Variants in LRRTM3 observed in about 807,000 individuals in gnomAD.
LRRTM3 encodes the protein leucine rich repeat transmembrane neuronal 3, also known as leucine-rich repeat transmembrane neuronal protein 3.
In LRRTM3, 24 loss-of-function variants were observed where a neutral mutation model predicts 44.7. The ratio of observed to expected loss-of-function variants is 0.54; its 90% confidence interval spans 0.39 to 0.76. LRRTM3 has a LOEUF of 0.76. LRRTM3 is among the 30% of genes least tolerant of loss of function. The probability of loss-of-function intolerance (pLI) is 0.00; values close to 1 mark genes in which losing one functional copy is unlikely to be tolerated. For missense variants in LRRTM3, 587 were observed against 702.2 expected (o/e 0.84, Z 1.85); for synonymous variants, 277 against 278.7 (o/e 0.99, Z 0.06).
intron 2 of LRRTM3, among the ~76,000 whole-genome samples, chr10:66,940,140 G>T (rs918721389): frequency 2.0e-5 from 3 of 152,084 alleles, no homozygotes; most frequent in Non-Finnish European, 2.9e-5. Context: ...GCTCCAGAGC[G>T]CATAGTTTGA....
At chr10:66,995,588 A>T (rs760393435) in intron 2 of LRRTM3, among the ~76,000 whole-genome samples, 6 of 152,312 alleles carry the variant, frequency 3.9e-5, no homozygotes, top group Admixed American at 2.0e-4. Flanking sequence ...AATCCTTAAC[A>T]TTATTCCCTG....
intron 2 of LRRTM3, among the ~76,000 whole-genome samples, chr10:66,970,762 C>A (rs1444475108): frequency 6.6e-6 from 1 of 151,968 alleles, no homozygotes; most frequent in Non-Finnish European, 1.5e-5. Context: ...CAAAAGATAA[C>A]AAATGATTGC....
At chr10:67,066,535 CA>C (rs57093251) in intron 2 of LRRTM3, among the ~76,000 whole-genome samples, 29,498 of 80,006 alleles carry the variant, frequency 0.37, 3,118 homozygotes, top group South Asian at 0.47. Flanking sequence ...CAGTTCTTGA[CA>C]AAAAAAAAAA....
intron 2 of LRRTM3, among the ~76,000 whole-genome samples, chr10:67,036,521 G>A (rs528858804): frequency 4.6e-5 from 7 of 152,076 alleles, no homozygotes; most frequent in African/African-American, 9.6e-5. Flanking sequence ...AAACTTAGCC[G>A]GGCGTGGTGG....
intron 2 of LRRTM3, among the ~76,000 whole-genome samples, chr10:66,946,310 T>C (rs1470964650): frequency 6.6e-6 from 1 of 152,146 alleles, no homozygotes; most frequent in African/African-American, 2.4e-5. Context: ...TGCTGGAAAG[T>C]TGAGAAAGGA....
intron 2 of LRRTM3, among the ~76,000 whole-genome samples, chr10:67,091,121 T>C (rs944377728): frequency 4.6e-5 from 7 of 151,940 alleles, no homozygotes; most frequent in Admixed American, 3.3e-4. Context: ...TCAAGCTTCA[T>C]AGGACAAAAT....
intron 2 of LRRTM3, among the ~76,000 whole-genome samples, chr10:67,064,496 A>G (rs1463016073): frequency 1.3e-5 from 2 of 152,230 alleles, no homozygotes; most frequent in South Asian, 2.1e-4. Context: ...TAAATTTTAC[A>G]TCATCTATAG....
chr10:66,928,544 C>T, intron 2 of LRRTM3, 92 bp downstream of exon 2: 3 of 1,190,568 alleles, frequency 2.5e-6, no homozygotes, highest in African/African-American at 1.5e-5. Context: ...AACGCGATGC[C>T]CCCCCTCCCC....
chr10:67,047,134 C>G (rs1854804745), intron 2 of LRRTM3, among the ~76,000 whole-genome samples: 1 of 152,202 alleles, frequency 6.6e-6, no homozygotes, highest in African/African-American at 2.4e-5. Context: ...CACTTATCTT[C>G]TCCCATCCCA....
chr10:67,082,263 G>A lies in LRRTM3; in HGVS notation c.1537-15324G>A, dbSNP rs528536109. ...TCAAATATATTAGTTGGTTTTAACCGCTGCTTGCTCCCTTGTAGTCCATCT... is the reference window on the plus strand; with the variant it reads ...TCAAATATATTAGTTGGTTTTAACCACTGCTTGCTCCCTTGTAGTCCATCT... On this transcript the variant is annotated intron_variant, in intron 2 of 2. Transcript: ENST00000361320. 9.2e-5 allele frequency among the ~76,000 whole-genome samples: 14 copies of A among 152,210 alleles called. 1 individual carries two copies. The highest frequency in any genetic ancestry group is 6.2e-4 in the South Asian group (3 of 4,820).
At chr10:66,990,495 A>T (rs984357694) in intron 2 of LRRTM3, among the ~76,000 whole-genome samples, 5 of 152,130 alleles carry the variant, frequency 3.3e-5, no homozygotes, top group Non-Finnish European at 7.3e-5. Flanking sequence ...ACCTATTTAG[A>T]TTTTTTTGTA....
chr10:66,981,255 T>C (rs753047), intron 2 of LRRTM3, among the ~76,000 whole-genome samples: 26,674 of 152,236 alleles, frequency 0.18, 2,830 homozygotes, highest in African/African-American at 0.29. Context: ...TGACTACAGT[T>C]AAGCATCCTA....
chr10:66,945,187 C>G (rs1305043956), intron 2 of LRRTM3, among the ~76,000 whole-genome samples: 2 of 152,162 alleles, frequency 1.3e-5, no homozygotes, highest in African/African-American at 2.4e-5. Context: ...TCTTTTTCCA[C>G]TAGAAGATTA....
At chr10:67,048,383 A>C (rs1431611396) in intron 2 of LRRTM3, among the ~76,000 whole-genome samples, 1 of 152,104 alleles carries the variant, frequency 6.6e-6, no homozygotes, top group Non-Finnish European at 1.5e-5. Context: ...AATTCCTTAC[A>C]TGATGATCAA....
intron 2 of LRRTM3, among the ~76,000 whole-genome samples, chr10:67,024,081 C>T (rs1432242734): frequency 6.6e-6 from 1 of 152,166 alleles, no homozygotes; most frequent in African/African-American, 2.4e-5. Flanking sequence ...CAAAATCAGC[C>T]TCACTGAGCT....
intron 2 of LRRTM3, among the ~76,000 whole-genome samples, chr10:66,948,632 T>C (rs1156255986): frequency 1.3e-5 from 2 of 152,204 alleles, no homozygotes; most frequent in African/African-American, 4.8e-5. Flanking sequence ...AAAATTTATA[T>C]CTACAGGAAG....
intron 2 of LRRTM3, among the ~76,000 whole-genome samples, chr10:67,072,331 G>T (rs560912845): frequency 5.3e-5 from 8 of 152,146 alleles, no homozygotes; most frequent in African/African-American, 1.9e-4. Flanking sequence ...CACCTTTTAA[G>T]TCCTTGCCAG....
intron 2 of LRRTM3, among the ~76,000 whole-genome samples, chr10:66,956,388 T>G (rs1848794311): frequency 6.6e-6 from 1 of 152,094 alleles, no homozygotes; most frequent in Non-Finnish European, 1.5e-5. Context: ...CATTGCTTGC[T>G]ATCTTGTTAA....
At chr10:66,962,459 G>A (rs545300442) in intron 2 of LRRTM3, among the ~76,000 whole-genome samples, 2 of 151,668 alleles carry the variant, frequency 1.3e-5, no homozygotes, top group Admixed American at 1.3e-4. Context: ...CGCTAGGCTG[G>A]AGTGCAGTGG....
Sources: gnomAD v4.1 joint callset for allele counts (sites outside exome capture counted in the v4.1 genomes callset) on GRCh38, gnomAD v4.1.1 for gene constraint, MANE v1.5 for transcripts, NCBI Gene and HGNC (gene_info 2026-07-23, HGNC 2026-07-21) for gene names.